KIAA0825: variants seen among roughly 807,000 people sequenced by gnomAD.
The protein encoded by KIAA0825 is uncharacterized protein KIAA0825.
KIAA0825 carries 119 observed loss-of-function variants against 147.6 expected under a neutral mutation model. That is an observed-to-expected ratio of 0.81 (90% CI 0.69 to 0.94). KIAA0825 has a LOEUF of 0.94. KIAA0825 is among the 40% of genes least tolerant of loss of function. KIAA0825 has a pLI of 0.00. For missense variants in KIAA0825, 1,381 were observed against 1,472.7 expected (o/e 0.94, Z 1.02); for synonymous variants, 470 against 518.1 (o/e 0.91, Z 1.26).
chr5:94,555,867 A>C (rs1345366448), intron 2 of KIAA0825, among the ~76,000 whole-genome samples: 1 of 152,156 alleles, frequency 6.6e-6, no homozygotes, highest in Non-Finnish European at 1.5e-5. Flanking sequence ...TTGAGATTAG[A>C]CCTAAATAAT....
chr5:94,577,360 G>A (rs1312487433), intron 2 of KIAA0825, among the ~76,000 whole-genome samples: 1 of 152,202 alleles, frequency 6.6e-6, no homozygotes, highest in African/African-American at 2.4e-5. Context: ...CAGTATCAAA[G>A]AGGACAATGT....
At chr5:94,330,673 T>C (rs774874173) in intron 20 of KIAA0825, among the ~76,000 whole-genome samples, 1 of 151,344 alleles carries the variant, frequency 6.6e-6, no homozygotes, top group Non-Finnish European at 1.5e-5. Context: ...CACAGCAAAA[T>C]AAATAATGAA....
At chr5:94,296,652 G>C (rs1186811464) in intron 20 of KIAA0825, among the ~76,000 whole-genome samples, 1 of 152,122 alleles carries the variant, frequency 6.6e-6, no homozygotes, top group Non-Finnish European at 1.5e-5. Context: ...CTTGGCTAGG[G>C]GAGGGAGTTC....
intron 20 of KIAA0825, among the ~76,000 whole-genome samples, chr5:94,226,001 A>G (rs1774126524): frequency 6.6e-6 from 1 of 152,238 alleles, no homozygotes; most frequent in Non-Finnish European, 1.5e-5. Flanking sequence ...ACAAAAGCCA[A>G]AACTGACAAA....
chr5:94,581,699 A>C (rs139441070), intron 2 of KIAA0825, among the ~76,000 whole-genome samples: 1 of 152,202 alleles, frequency 6.6e-6, no homozygotes, highest in Non-Finnish European at 1.5e-5. Context: ...TATTTAAAAA[A>C]TATCTTTGAA....
intron 20 of KIAA0825, among the ~76,000 whole-genome samples, chr5:94,275,588 T>C (rs1777188138): frequency 1.3e-5 from 2 of 152,132 alleles, no homozygotes; most frequent in Non-Finnish European, 2.9e-5. Flanking sequence ...GTTGAATGAA[T>C]GAATGAATGA....
chr5:94,176,797 G>C (rs1252499763), intron 20 of KIAA0825, among the ~76,000 whole-genome samples: 2 of 152,000 alleles, frequency 1.3e-5, no homozygotes, highest in Non-Finnish European at 2.9e-5. Flanking sequence ...CTTTTAAGAA[G>C]AACAACCTAA....
chr5:94,508,896 A>G (rs1403991729), intron 5 of KIAA0825, among the ~76,000 whole-genome samples: 1 of 152,196 alleles, frequency 6.6e-6, no homozygotes, highest in African/African-American at 2.4e-5. Context: ...CAATTATTTG[A>G]TATTTTCTTC....
At chr5:94,425,549 G>C (rs1055579304) in intron 14 of KIAA0825, among the ~76,000 whole-genome samples, 6 of 152,054 alleles carry the variant, frequency 3.9e-5, no homozygotes, top group African/African-American at 1.2e-4. Flanking sequence ...GACCAGACTG[G>C]GCAACACAGC....
At chr5:94,266,562 C>T (rs1776746144) in intron 20 of KIAA0825, among the ~76,000 whole-genome samples, 1 of 152,106 alleles carries the variant, frequency 6.6e-6, no homozygotes, top group African/African-American at 2.4e-5. Context: ...TATCCAATTA[C>T]ATTTCTGTGC....
Position 94,153,812 on chromosome 5 carries a change from G to A in KIAA0825, c.*195C>T, listed in dbSNP as rs552595797. ...AAAGATTGGGGAAAGAAAAACATTT[G>A]AAATTATTTTTAAAATAAAAAAATA... On this transcript the variant is annotated 3_prime_UTR_variant, in exon 21 of 21. Coordinates refer to ENST00000682413, the MANE Select transcript of KIAA0825 (RefSeq NM_001145678.3). The A allele has an allele frequency of 2.4e-6, 1 of 419,358 alleles. No homozygotes were observed. The highest frequency in any genetic ancestry group is 4.2e-6 in the Non-Finnish European group (1 of 236,632). The allele number at this position is 419,358 out of a possible 1,614,324, so 26.0% of individuals were successfully genotyped here.
At chr5:94,170,095 C>G (rs547798096) in intron 20 of KIAA0825, among the ~76,000 whole-genome samples, 1 of 152,110 alleles carries the variant, frequency 6.6e-6, no homozygotes, top group African/African-American at 2.4e-5. Flanking sequence ...GTCAGGAGAT[C>G]AAGACCATCC....
rs187529914 is a variant in KIAA0825 at position 94,427,195 on chromosome 5, A to G, written c.2498-9830T>C. On this transcript the variant is annotated intron_variant, in intron 14 of 20. Transcript: ENST00000682413. ...TAAGTAGGTGTCAGCTTTTCATAACAGTCTTTTTATCACTCAATTTGTCAA... is the reference window on the plus strand; with the variant it reads ...TAAGTAGGTGTCAGCTTTTCATAACGGTCTTTTTATCACTCAATTTGTCAA... 4.3e-3 allele frequency among the ~76,000 whole-genome samples: 657 copies of G among 152,296 alleles called. 2 individuals carry two copies. Among genetic ancestry groups the G allele is most frequent in the Non-Finnish European group, 5.7e-3 (385 of 68,028 alleles).
At chr5:94,450,875 C>T (rs1204062274) in intron 13 of KIAA0825, among the ~76,000 whole-genome samples, 1 of 152,144 alleles carries the variant, frequency 6.6e-6, no homozygotes, top group Non-Finnish European at 1.5e-5. Context: ...TAACATCATC[C>T]TGAACTGCTC....
At chr5:94,487,390 G>A (rs1443866398) in intron 5 of KIAA0825, among the ~76,000 whole-genome samples, 7 of 152,018 alleles carry the variant, frequency 4.6e-5, no homozygotes, top group Admixed American at 4.6e-4. Context: ...TCAATTTATG[G>A]GGAAAATAAT....
At chr5:94,409,112 T>C (rs1261250087) in intron 15 of KIAA0825, among the ~76,000 whole-genome samples, 1 of 152,176 alleles carries the variant, frequency 6.6e-6, no homozygotes, top group Non-Finnish European at 1.5e-5. Context: ...TTTAGGAAAT[T>C]AGTGTTTTCA....
At chr5:94,573,132 G>A (rs1248026427) in intron 2 of KIAA0825, among the ~76,000 whole-genome samples, 1 of 151,594 alleles carries the variant, frequency 6.6e-6, no homozygotes, top group Non-Finnish European at 1.5e-5. Context: ...GGGGGTTGGG[G>A]GGGTTGTTCC....
intron 2 of KIAA0825, among the ~76,000 whole-genome samples, chr5:94,574,713 A>T (rs913367564): frequency 6.6e-5 from 10 of 151,808 alleles, no homozygotes; most frequent in East Asian, 1.9e-4. Context: ...CATTTTTTTT[A>T]AATTAATTTT....
intron 20 of KIAA0825, among the ~76,000 whole-genome samples, chr5:94,196,774 C>T (rs1488545365): frequency 6.6e-6 from 1 of 152,186 alleles, no homozygotes; most frequent in African/African-American, 2.4e-5. Flanking sequence ...CCAGCTCCAT[C>T]CATGTTGCTG....
Sources: gnomAD v4.1 joint callset for allele counts (sites outside exome capture counted in the v4.1 genomes callset) on GRCh38, gnomAD v4.1.1 for gene constraint, MANE v1.5 for transcripts, NCBI Gene and HGNC (gene_info 2026-07-23, HGNC 2026-07-21) for gene names.